The following TAFA5 variants were observed in gnomAD, a reference collection of about 807,000 sequenced individuals.
The protein encoded by TAFA5 is TAFA chemokine like family member 5.
In TAFA5, 6 loss-of-function variants were observed where a neutral mutation model predicts 15.3. That is an observed-to-expected ratio of 0.39 (90% CI 0.21 to 0.77). The LOEUF (loss-of-function observed/expected upper bound fraction) is 0.77. Ranked by LOEUF, TAFA5 falls within the 30% of genes least tolerant of loss-of-function variation. The pLI is 0.41. For missense variants in TAFA5, 161 were observed against 193.1 expected, an observed-to-expected ratio of 0.83 and a Z score of 0.98; for synonymous variants, 103 against 80.7, an observed-to-expected ratio of 1.28 and a Z score of -1.48.
intron 1 of TAFA5, among the ~76,000 whole-genome samples, chr22:48,512,086 G>A (rs969834283): frequency 2.6e-5 from 4 of 152,216 alleles, no homozygotes; most frequent in Admixed American, 6.5e-5. Context: ...CTCGCCACCC[G>A]ATTCCGTGTG....
chr22:48,682,401 C>T (rs73175151), intron 2 of TAFA5, among the ~76,000 whole-genome samples: 16,748 of 152,234 alleles, frequency 0.11, 1,043 homozygotes, highest in Non-Finnish European at 0.14. Flanking sequence ...AACATCTGCC[C>T]CTCCACCCAG....
intron 1 of TAFA5, among the ~76,000 whole-genome samples, chr22:48,587,126 G>T (rs930410195): frequency 6.6e-6 from 1 of 152,254 alleles, no homozygotes; most frequent in Non-Finnish European, 1.5e-5. Context: ...TGTGGAAGCC[G>T]TCGTCAGCTG....
chr22:48,681,660 AAAAAAAG>A lies in TAFA5; in HGVS notation c.263-26052_263-26046del, dbSNP rs1187198871. On this transcript the variant is annotated intron_variant, in intron 2 of 3. Coordinates refer to ENST00000402357, the MANE Select transcript of TAFA5 (RefSeq NM_001082967.3). The stretch of plus-strand genomic sequence containing the variant: ...AGCAAGACTCCATCTCCAAAAAAAA[AAAAAAAG>A]AAAAGAAAAAAGAAAAAAACAGAGG... Among the ~76,000 whole-genome samples, 261 of 151,938 alleles carry A rather than the reference AAAAAAAG, an allele frequency of 1.7e-3. 1 individual carries two copies. The highest frequency in any genetic ancestry group is 6.0e-3 in the African/African-American group (247 of 41,472).
rs1018615721 is a variant in TAFA5, at chr22:48,560,454, G to T, written c.112+70750G>T. 6.6e-6 allele frequency among the ~76,000 whole-genome samples: 1 copy of T among 152,190 alleles called. No homozygotes were observed. ...GGCCATCAGGGCCTGGGGCCAGCCC[G>T]GGCAAGGACAGTGCCAGCAGGCGCC... On this transcript the variant is annotated intron_variant, in intron 1 of 3. Transcript: ENST00000402357. This position sits in a 1 kb window ranked among gnomAD's most constrained non-coding sequence, Gnocchi z 4.2.
chr22:48,590,168 G>A (rs540307247), intron 1 of TAFA5, among the ~76,000 whole-genome samples: 114 of 152,284 alleles, frequency 7.5e-4, no homozygotes, highest in African/African-American at 2.6e-3. Flanking sequence ...CATCCCGGAG[G>A]TGGAATGCCA....
At chr22:48,500,801 A>G (rs1455193549) in intron 1 of TAFA5, among the ~76,000 whole-genome samples, 1 of 152,230 alleles carries the variant, frequency 6.6e-6, no homozygotes, top group Non-Finnish European at 1.5e-5. Context: ...GCACACAGAC[A>G]GGGCTGGGGG....
At chr22:48,541,607 T>G (rs1922376294) in intron 1 of TAFA5, among the ~76,000 whole-genome samples, 1 of 152,072 alleles carries the variant, frequency 6.6e-6, no homozygotes, top group African/African-American at 2.4e-5. Flanking sequence ...GCCACCCCCC[T>G]GTGTCGGTGT....
chr22:48,645,133 G>T (rs989412800), intron 1 of TAFA5, among the ~76,000 whole-genome samples: 1 of 152,260 alleles, frequency 6.6e-6, no homozygotes, highest in African/African-American at 2.4e-5. Flanking sequence ...CATCCAGGTG[G>T]TTCCAGGGAG....
intron 2 of TAFA5, among the ~76,000 whole-genome samples, chr22:48,652,131 A>T (rs529273418): frequency 6.6e-6 from 1 of 152,256 alleles, no homozygotes; most frequent in Non-Finnish European, 1.5e-5. Flanking sequence ...CGAGGCGCCA[A>T]CGGGGCCCCC....
chr22:48,688,614 G>C (rs929757776), intron 2 of TAFA5, among the ~76,000 whole-genome samples: 1 of 152,072 alleles, frequency 6.6e-6, no homozygotes, highest in African/African-American at 2.4e-5. Flanking sequence ...TCCTCCCTGG[G>C]TTCATTTCTA....
intron 1 of TAFA5, among the ~76,000 whole-genome samples, chr22:48,532,780 G>T (rs2147113684): frequency 6.6e-6 from 1 of 152,348 alleles, no homozygotes; most frequent in Admixed American, 6.5e-5. Context: ...AAATCTTTCA[G>T]CAAGGAATGG....
chr22:48,651,459 T>C (rs1186901908), intron 2 of TAFA5, among the ~76,000 whole-genome samples: 2 of 152,078 alleles, frequency 1.3e-5, no homozygotes, highest in Non-Finnish European at 2.9e-5. Flanking sequence ...TCTCCAGGCA[T>C]GAGGCCTTGC....
At chr22:48,542,638 A>ATGTG (rs1555886629) in intron 1 of TAFA5, among the ~76,000 whole-genome samples, 3 of 84,880 alleles carry the variant, frequency 3.5e-5, no homozygotes, top group African/African-American at 1.5e-4. Flanking sequence ...TGGGTGTGTG[A>ATGTG]TGTGTGTGTG....
At chr22:48,584,375 C>T (rs1019316175) in intron 1 of TAFA5, among the ~76,000 whole-genome samples, 12 of 150,334 alleles carry the variant, frequency 8.0e-5, no homozygotes, top group African/African-American at 2.7e-4. Flanking sequence ...ACACAGTACA[C>T]ACCACACGCA....
At chr22:48,573,223 C>T (rs1193698550) in intron 1 of TAFA5, among the ~76,000 whole-genome samples, 1 of 152,220 alleles carries the variant, frequency 6.6e-6, no homozygotes, top group African/African-American at 2.4e-5. Context: ...TTTGTTTCAC[C>T]TTCTCGGGAG....
At chr22:48,730,202 G>A (rs972105136) in intron 3 of TAFA5, among the ~76,000 whole-genome samples, 7 of 152,160 alleles carry the variant, frequency 4.6e-5, no homozygotes, top group Non-Finnish European at 8.8e-5. Context: ...GGCCAACCTG[G>A]TGAAACTTCA....
At chr22:48,748,422 G>A (rs1930389688) in intron 3 of TAFA5, among the ~76,000 whole-genome samples, 1 of 152,234 alleles carries the variant, frequency 6.6e-6, no homozygotes, top group African/African-American at 2.4e-5. Context: ...CACCAGCTGT[G>A]ACCCAGGCCA....
intron 1 of TAFA5, among the ~76,000 whole-genome samples, chr22:48,501,048 G>C (rs1254715928): frequency 1.3e-5 from 2 of 152,142 alleles, no homozygotes; most frequent in Non-Finnish European, 2.9e-5. Context: ...GCCTTCCCAG[G>C]GCTTCTGGCC....
At chr22:48,597,569 C>T (rs28661407) in intron 1 of TAFA5, among the ~76,000 whole-genome samples, 6,783 of 151,960 alleles carry the variant, frequency 0.045, 371 homozygotes, top group East Asian at 0.15. Flanking sequence ...GCCCCCTTCA[C>T]CACGCCACCA....
Sources: gnomAD v4.1 joint callset for allele counts (sites outside exome capture counted in the v4.1 genomes callset) on GRCh38, gnomAD v4.1.1 for gene constraint, Gnocchi (gnomAD v3.1) non-coding constraint, MANE v1.5 for transcripts, NCBI Gene and HGNC (gene_info 2026-07-23, HGNC 2026-07-21) for gene names.